Variants in IGSF11 observed in about 807,000 individuals in gnomAD.
IGSF11 encodes the protein immunoglobulin superfamily member 11.
In IGSF11, 22 loss-of-function variants were observed where a neutral mutation model predicts 41.0. That is an observed-to-expected ratio of 0.54 (90% CI 0.38 to 0.77). IGSF11 has a LOEUF of 0.77. Among genes scored for constraint, IGSF11 ranks in the 30% least tolerant of loss-of-function variants. IGSF11 has a pLI of 0.00. For synonymous variants in IGSF11, 219 were observed against 201.3 expected, an observed-to-expected ratio of 1.09 and a Z score of -0.74; for missense variants, 444 against 530.8, an observed-to-expected ratio of 0.84 and a Z score of 1.61.
At chr3:118,928,457 G>C (rs1942546781) in intron 3 of IGSF11, 52 bp downstream of exon 3, 3 of 1,414,806 alleles carry the variant, frequency 2.1e-6, no homozygotes, top group South Asian at 1.2e-5. Flanking sequence ...GTATGCTTGA[G>C]AGTAGCTTCG....
At position 118,902,890 on chromosome 3, in the gene IGSF11, T is replaced by C. The variant is rs778074264; in HGVS notation, c.926A>G (p.Asn309Ser). The change falls in exon 7 of 7, where the codon AAC becomes AGC. Residue 309 changes from asparagine to serine, a missense_variant. This residue lies in a region of IGSF11 where 223 missense variants were observed against 226.2 expected (regional missense o/e 0.99). Coordinates refer to ENST00000393775, the MANE Select transcript of IGSF11 (RefSeq NM_001015887.3). ...FHTEISSSDN[N>S]TLTSSNAYNS... ...GTAGGCATTGGAAGAGGTTAGTGTG[T>C]TGTTGTCCGAGGAGGAAATCTCAGT... The C allele has an allele frequency of 6.2e-7, 1 of 1,614,044 alleles. No individual in the cohort carries two copies. Among genetic ancestry groups the C allele is most frequent in the African/African-American group, 1.3e-5 (1 of 74,918 alleles).
chr3:118,984,330 G>A lies in IGSF11; in HGVS notation c.52+50201C>T, dbSNP rs144565430. On this transcript the variant is annotated intron_variant, in intron 1 of 6. Transcript: ENST00000393775. ...ATGTATCATGATATCTCCATGTTAT[G>A]TAAGGAAGGCCCTTCAACAATTAAT... is the stretch of plus-strand genomic sequence containing the variant. Among the ~76,000 whole-genome samples the A allele has an allele frequency of 9.4e-3, 1,434 of 152,234 alleles. 32 individuals are homozygous for A. The highest frequency in any genetic ancestry group is 0.033 in the African/African-American group (1,359 of 41,532).
intron 1 of IGSF11, among the ~76,000 whole-genome samples, chr3:119,138,260 T>C (rs1031879664): frequency 2.0e-5 from 3 of 152,038 alleles, no homozygotes; most frequent in African/African-American, 4.8e-5. Flanking sequence ...CAAAGAGATA[T>C]CTTCACTCCC....
intron 1 of IGSF11, among the ~76,000 whole-genome samples, chr3:119,040,739 G>T (rs1385063463): frequency 6.6e-6 from 1 of 152,154 alleles, no homozygotes; most frequent in Admixed American, 6.5e-5. Flanking sequence ...TGTAGATACT[G>T]AATAAATATT....
chr3:118,922,032 A>G (rs78075595), intron 4 of IGSF11, among the ~76,000 whole-genome samples: 1,638 of 152,172 alleles, frequency 0.011, 32 homozygotes, highest in East Asian at 0.065. Context: ...AGACAGAAAA[A>G]AAAAACCCAT....
At chr3:119,116,054 T>C (rs1389987119) in intron 1 of IGSF11, among the ~76,000 whole-genome samples, 1 of 152,256 alleles carries the variant, frequency 6.6e-6, no homozygotes, top group East Asian at 1.9e-4. Flanking sequence ...ATGGTTAATT[T>C]TGTTTTTCAC....
At chr3:118,922,910 A>G (rs1207392580) in intron 4 of IGSF11, among the ~76,000 whole-genome samples, 2 of 152,110 alleles carry the variant, frequency 1.3e-5, no homozygotes, top group Non-Finnish European at 2.9e-5. Context: ...GTTCTCAAGA[A>G]TAACTATAGA....
At chr3:119,142,768 A>G (rs1286625135) in intron 1 of IGSF11, among the ~76,000 whole-genome samples, 2 of 152,028 alleles carry the variant, frequency 1.3e-5, no homozygotes, top group Non-Finnish European at 2.9e-5. Context: ...CTCCAAAAGA[A>G]TAACATAAAA....
chr3:118,988,432 C>T lies in IGSF11; in HGVS notation c.52+46099G>A, dbSNP rs527708981. Among the ~76,000 whole-genome samples, 320 of 152,230 alleles carry T rather than the reference C, an allele frequency of 2.1e-3. 1 individual carries two copies. Among genetic ancestry groups the T allele is most frequent in the Non-Finnish European group, 3.3e-3 (223 of 67,958 alleles). On this transcript the variant is annotated intron_variant, in intron 1 of 6. Transcript: ENST00000393775. The stretch of plus-strand genomic sequence containing the variant: ...CATACAGTTAGTTGCAAAACCTAGG[C>T]TGGAACTCAGGTTTCCAGCGCTTTC...
intron 1 of IGSF11, among the ~76,000 whole-genome samples, chr3:118,939,713 A>G (rs1336476672): frequency 6.6e-6 from 1 of 152,252 alleles, no homozygotes; most frequent in African/African-American, 2.4e-5. Context: ...AGCATTACTT[A>G]GAGAAAAGTA....
intron 5 of IGSF11, 24 bp from the exon 6 acceptor site, chr3:118,904,822 T>C (rs751519331): frequency 1.3e-6 from 2 of 1,568,242 alleles, no homozygotes; most frequent in South Asian, 1.2e-5. Flanking sequence ...TTAAGATATA[T>C]TTAAAGAAAA....
At chr3:118,980,039 A>G (rs1195770000) in intron 1 of IGSF11, among the ~76,000 whole-genome samples, 2 of 152,232 alleles carry the variant, frequency 1.3e-5, no homozygotes, top group African/African-American at 4.8e-5. Context: ...ATGTGGAGAA[A>G]AGGGAACTCT....
At chr3:119,131,325 G>C (rs572724430) in intron 1 of IGSF11, among the ~76,000 whole-genome samples, 1 of 152,056 alleles carries the variant, frequency 6.6e-6, no homozygotes, top group Non-Finnish European at 1.5e-5. Context: ...TAGATGAATG[G>C]GTACTAGAAT....
intron 1 of IGSF11, among the ~76,000 whole-genome samples, chr3:119,095,271 A>G (rs2107499670): frequency 6.6e-6 from 1 of 152,296 alleles, no homozygotes; most frequent in East Asian, 1.9e-4. Flanking sequence ...AAAATCTTGC[A>G]CAAAGAGAAT....
intron 1 of IGSF11, among the ~76,000 whole-genome samples, chr3:118,965,734 G>C (rs1287474945): frequency 6.6e-6 from 1 of 152,032 alleles, no homozygotes; most frequent in Non-Finnish European, 1.5e-5. Flanking sequence ...CGAAGCATTA[G>C]GGTAATTTTA....
At chr3:119,009,688 A>T (rs1361869878) in intron 1 of IGSF11, among the ~76,000 whole-genome samples, 1 of 152,212 alleles carries the variant, frequency 6.6e-6, no homozygotes, top group East Asian at 1.9e-4. Context: ...ACAATGATCA[A>T]CAGGAATTAA....
At chr3:119,024,012 G>C (rs1576672465) in intron 1 of IGSF11, among the ~76,000 whole-genome samples, 1 of 152,128 alleles carries the variant, frequency 6.6e-6, no homozygotes, top group Admixed American at 6.5e-5. Context: ...GGAATTAAAG[G>C]GCTCTAAGAG....
chr3:118,999,670 C>T (rs1429223541), intron 1 of IGSF11, among the ~76,000 whole-genome samples: 2 of 152,154 alleles, frequency 1.3e-5, no homozygotes, highest in African/African-American at 2.4e-5. Context: ...GTCAAAATGT[C>T]TCTTCATTCA....
chr3:118,936,947 C>A (rs1317865879), intron 1 of IGSF11, among the ~76,000 whole-genome samples: 1 of 152,186 alleles, frequency 6.6e-6, no homozygotes, highest in Non-Finnish European at 1.5e-5. Context: ...GACATGAAAT[C>A]CCCCCTGCAA....
Sources: allele counts gnomAD v4.1 joint callset (sites outside exome capture counted in the v4.1 genomes callset), GRCh38; gene constraint gnomAD v4.1.1; regional missense constraint gnomAD v4.1.1; transcripts MANE v1.5; gene names NCBI Gene and HGNC (gene_info 2026-07-23, HGNC 2026-07-21).